TNNT2: variants seen among roughly 807,000 people sequenced by gnomAD.
The protein encoded by TNNT2 is troponin T2, cardiac type, also known as troponin T, cardiac muscle.
Under a neutral mutation model 62.4 loss-of-function variants are expected in TNNT2, and 34 were observed. The observed-to-expected ratio is 0.54, with a 90% CI of 0.41 to 0.72. The LOEUF (loss-of-function observed/expected upper bound fraction) is 0.72, where lower values mean the gene tolerates loss of function less well. TNNT2 is among the 30% of genes least tolerant of loss of function. The probability of loss-of-function intolerance (pLI) is 0.00; values close to 1 mark genes in which losing one functional copy is unlikely to be tolerated. For synonymous variants in TNNT2, 123 were observed against 127.2 expected (o/e 0.97, Z 0.22); for missense variants, 275 against 381.9 (o/e 0.72, Z 2.33).
chr1:201,367,841 G>C lies in TNNT2; in HGVS notation c.164-35C>G, dbSNP rs1229054853. 1.2e-5 allele frequency: 20 copies of C among 1,613,754 alleles called. No homozygotes were observed. In the East Asian group the frequency reaches 4.5e-4, roughly 36 times the overall value. On this transcript the variant is annotated intron_variant, in intron 6 of 16. Coordinates refer to ENST00000656932, the MANE Select transcript of TNNT2 (RefSeq NM_001276345.2). ...ACACGAGAAATCAATCAAGGTCCTT[G>C]TTCTGAGCTCAAGTCCCCCCCTCCG...
intron 10 of TNNT2, among the ~76,000 whole-genome samples, 196 bp from the exon 11 acceptor site, chr1:201,364,571 G>C (rs962540224): frequency 6.6e-6 from 1 of 152,204 alleles, no homozygotes; most frequent in African/African-American, 2.4e-5. Context: ...TACCTGCAGT[G>C]ACCCACCTCC....
Sources: gnomAD v4.1 joint callset for allele counts (sites outside exome capture counted in the v4.1 genomes callset) on GRCh38, gnomAD v4.1.1 for gene constraint, MANE v1.5 for transcripts, NCBI Gene and HGNC (gene_info 2026-07-23, HGNC 2026-07-21) for gene names.